Variants in RGS5 observed in about 807,000 individuals in gnomAD.
RGS5 encodes regulator of G-protein signalling 5.
A neutral mutation model predicts 18.9 loss-of-function variants in RGS5; 20 were observed. The ratio of observed to expected loss-of-function variants is 1.06; its 90% CI spans 0.74 to 1.54. RGS5 has a LOEUF of 1.54. Ranked by LOEUF, RGS5 falls within the 40% of genes most tolerant of loss-of-function variation. The pLI, the probability that RGS5 is intolerant of heterozygous loss-of-function variation, is 0.00. For missense variants in RGS5, 201 were observed against 211.8 expected (o/e 0.95, Z 0.32); for synonymous variants, 57 against 76.2 (o/e 0.75, Z 1.31).
At chr1:163,175,301 G>A (rs1015153058) in intron 1 of RGS5, among the ~76,000 whole-genome samples, 3 of 152,122 alleles carry the variant, frequency 2.0e-5, no homozygotes, top group Non-Finnish European at 4.4e-5. Flanking sequence ...AGGGAAGAGG[G>A]CCCAGAGGGT....
intron 2 of RGS5, among the ~76,000 whole-genome samples, chr1:163,163,618 T>G (rs992736636): frequency 2.0e-5 from 3 of 152,208 alleles, no homozygotes; most frequent in Non-Finnish European, 4.4e-5. Flanking sequence ...TTACTGCAAG[T>G]GGAGAACTGT....
At chr1:163,265,352 A>G (rs1309058018) in intron 2 of RGS5, among the ~76,000 whole-genome samples, 1 of 152,024 alleles carries the variant, frequency 6.6e-6, no homozygotes, top group African/African-American at 2.4e-5. Context: ...TCATTTCTAT[A>G]TCAAAGGAAG....
intron 2 of RGS5, among the ~76,000 whole-genome samples, chr1:163,301,131 C>T (rs945642048): frequency 2.6e-5 from 4 of 152,022 alleles, no homozygotes; most frequent in Non-Finnish European, 4.4e-5. Context: ...TATCTATAAA[C>T]ACATAATTTC....
At chr1:163,220,095 A>G (rs928026735), upstream of RGS5, among the ~76,000 whole-genome samples, 2 of 152,116 alleles carry the variant, frequency 1.3e-5, no homozygotes, top group Non-Finnish European at 2.9e-5. Context: ...AATTTTAGCT[A>G]TTCTTTTGCT....
chr1:163,288,407 A>G (rs570920413), intron 2 of RGS5, among the ~76,000 whole-genome samples: 3 of 152,346 alleles, frequency 2.0e-5, no homozygotes, highest in Admixed American at 1.3e-4. Context: ...CGTGTTGTGC[A>G]GCACATGGTT....
chr1:163,152,517 G>T (rs200878893), intron 4 of RGS5, 33 bp downstream of exon 4: 1 of 1,590,436 alleles, frequency 6.3e-7, no homozygotes, highest in Non-Finnish European at 8.6e-7. Flanking sequence ...CTAATGAGCT[G>T]CCCTTAACTG....
chr1:163,171,326 C>T lies in RGS5; in HGVS notation c.45-2958G>A, dbSNP rs368363028. Among the ~76,000 whole-genome samples the T allele has an allele frequency of 2.0e-5, 3 of 152,140 alleles. No individual in the cohort carries two copies. The East Asian group carries it at 5.8e-4, about 29-fold the overall frequency. The stretch of plus-strand genomic sequence containing the variant: ...GTCAGAGATGCAAGGTGCACTAGGA[C>T]ACAGTATCCCACCCAGTCCGTGAAA... On this transcript the variant is annotated intron_variant, in intron 1 of 4. Coordinates refer to ENST00000313961, the MANE Select transcript of RGS5 (RefSeq NM_003617.4).
intron 4 of RGS5, 121 bp downstream of exon 4, chr1:163,152,429 G>A: frequency 3.0e-6 from 3 of 986,358 alleles, no homozygotes; most frequent in Non-Finnish European, 4.5e-6. Flanking sequence ...GCTTAATAAG[G>A]TGGTCGACTC....
exon 2 of RGS5, chr1:163,306,311 C>T (rs1288144169): frequency 6.6e-6 from 1 of 152,150 alleles, no homozygotes; most frequent in Non-Finnish European, 1.5e-5. Flanking sequence ...CCAGACAGTG[C>T]TTTTTAAGCG....
At chr1:163,220,115 GTAT>G (rs1237829265), upstream of RGS5, among the ~76,000 whole-genome samples, 1 of 152,004 alleles carries the variant, frequency 6.6e-6, no homozygotes, top group African/African-American at 2.4e-5. Context: ...TTGTTTAGTG[GTAT>G]TATATCAGAG....
Position 163,261,239 on chromosome 1 carries a change from C to T in RGS5, c.-281+44994G>A, listed in dbSNP as rs527387204. Among the ~76,000 whole-genome samples, 8 of 152,262 alleles carry T rather than the reference C, an allele frequency of 5.3e-5. No individual in the cohort carries two copies. The East Asian group carries it at 1.5e-3, about 29-fold the overall frequency. On this transcript the variant is annotated intron_variant, in intron 2 of 5. Transcript: ENST00000618415. ...GTAGGGATGCTGTCTGGACCTCATG[C>T]ATCCATCCACACCAGTCATCACTGT...
At chr1:163,276,167 T>C (rs1467985778) in intron 2 of RGS5, among the ~76,000 whole-genome samples, 1 of 152,158 alleles carries the variant, frequency 6.6e-6, no homozygotes, top group African/African-American at 2.4e-5. Context: ...GCTAATTTTG[T>C]ATTTTTAGTA....
At chr1:163,282,153 T>C (rs1341520159) in intron 2 of RGS5, among the ~76,000 whole-genome samples, 1 of 152,014 alleles carries the variant, frequency 6.6e-6, no homozygotes, top group Non-Finnish European at 1.5e-5. Flanking sequence ...AGACAACTTG[T>C]AGAATGGGAG....
At chr1:163,170,309 A>G (rs1206557339) in intron 1 of RGS5, among the ~76,000 whole-genome samples, 1 of 152,238 alleles carries the variant, frequency 6.6e-6, no homozygotes, top group Non-Finnish European at 1.5e-5. Context: ...GCCTAGCACA[A>G]TGCTTGGCAA....
chr1:163,246,511 C>T (rs1487566570), intron 2 of RGS5, among the ~76,000 whole-genome samples: 1 of 152,020 alleles, frequency 6.6e-6, no homozygotes, highest in Non-Finnish European at 1.5e-5. Context: ...GTGGAGGTTG[C>T]AGTGAGCCTA....
chr1:163,157,498 T>C (rs780611339), intron 3 of RGS5, among the ~76,000 whole-genome samples: 3 of 152,200 alleles, frequency 2.0e-5, no homozygotes, highest in Non-Finnish European at 2.9e-5. Context: ...AACTGTCTTA[T>C]ATTTTTTAGA....
intron 2 of RGS5, among the ~76,000 whole-genome samples, chr1:163,263,406 G>A (rs1648501827): frequency 6.6e-6 from 1 of 152,030 alleles, no homozygotes; most frequent in Admixed American, 6.6e-5. Flanking sequence ...CCCATTGTTG[G>A]AATGTTTTCT....
At chr1:163,262,033 T>C (rs1648450844) in intron 2 of RGS5, among the ~76,000 whole-genome samples, 1 of 151,882 alleles carries the variant, frequency 6.6e-6, no homozygotes, top group Non-Finnish European at 1.5e-5. Context: ...TACTCCATAA[T>C]GAAGGTAACA....
intron 2 of RGS5, among the ~76,000 whole-genome samples, chr1:163,303,058 TG>T (rs1649592640): frequency 6.6e-6 from 1 of 152,214 alleles, no homozygotes; most frequent in African/African-American, 2.4e-5. Flanking sequence ...CTAACATAGA[TG>T]TAAGAATGCT....
Sources: gnomAD v4.1 joint callset for allele counts (sites outside exome capture counted in the v4.1 genomes callset) on GRCh38, gnomAD v4.1.1 for gene constraint, MANE v1.5 for transcripts, NCBI Gene and HGNC (gene_info 2026-07-23, HGNC 2026-07-21) for gene names.